The following SH3D19 variants were observed in gnomAD, a reference collection of about 807,000 sequenced individuals.
SH3D19 encodes the protein SH3 domain containing 19.
In SH3D19, 58 loss-of-function variants were observed where a neutral mutation model predicts 112.1. The observed-to-expected ratio is 0.52, with a 90% CI of 0.42 to 0.64. The LOEUF is 0.64. Among genes scored for constraint, SH3D19 ranks in the 30% least tolerant of loss-of-function variants. SH3D19 has a pLI of 0.00. For missense variants in SH3D19, 1,090 were observed against 1,263.4 expected (o/e 0.86, Z 2.08); for synonymous variants, 391 against 448.5 (o/e 0.87, Z 1.62).
chr4:151,215,677 A>C (rs905184554), intron 2 of SH3D19, among the ~76,000 whole-genome samples: 2 of 152,334 alleles, frequency 1.3e-5, no homozygotes, highest in Middle Eastern at 3.4e-3. Flanking sequence ...CTACAACTAA[A>C]ATGAGATTAG....
At chr4:151,271,646 C>T (rs1176532741) in intron 1 of SH3D19, among the ~76,000 whole-genome samples, 4 of 152,122 alleles carry the variant, frequency 2.6e-5, no homozygotes, top group African/African-American at 9.7e-5. Context: ...TTGAGAAGCC[C>T]TGGTCAATAG....
chr4:151,272,891 T>A (rs184373178), intron 1 of SH3D19, among the ~76,000 whole-genome samples: 1 of 152,232 alleles, frequency 6.6e-6, no homozygotes, highest in Non-Finnish European at 1.5e-5. Context: ...AGCTCTCTTA[T>A]CAACTTTTCA....
chr4:151,299,782 A>G (rs1281314969), intron 1 of SH3D19, among the ~76,000 whole-genome samples: 1 of 152,178 alleles, frequency 6.6e-6, no homozygotes, highest in Non-Finnish European at 1.5e-5. Flanking sequence ...CTTTTTATCC[A>G]GAGGCTGCTG....
At chr4:151,163,026 G>A (rs1757420345) in intron 8 of SH3D19, among the ~76,000 whole-genome samples, 2 of 152,128 alleles carry the variant, frequency 1.3e-5, no homozygotes, top group African/African-American at 2.4e-5. Context: ...AAATTTCTAG[G>A]AGTGCCTACC....
At chr4:151,288,515 G>A (rs1332901625) in intron 1 of SH3D19, among the ~76,000 whole-genome samples, 1 of 152,146 alleles carries the variant, frequency 6.6e-6, no homozygotes, top group African/African-American at 2.4e-5. Flanking sequence ...GGGAGGCCAA[G>A]GCAGGTGGAT....
chr4:151,244,825 T>C (rs1026414747), intron 1 of SH3D19, among the ~76,000 whole-genome samples: 5 of 152,260 alleles, frequency 3.3e-5, no homozygotes, highest in South Asian at 2.1e-4. Flanking sequence ...GGTAAACAGA[T>C]TTCTCTGTTG....
At chr4:151,125,405 A>T (rs1748985473) in intron 19 of SH3D19, among the ~76,000 whole-genome samples, 1 of 151,118 alleles carries the variant, frequency 6.6e-6, no homozygotes, top group Non-Finnish European at 1.5e-5. Context: ...CTGAGGCTGC[A>T]CAGTGAACTG....
At chr4:151,144,819 G>C (rs1359216696) in intron 11 of SH3D19, among the ~76,000 whole-genome samples, 1 of 152,178 alleles carries the variant, frequency 6.6e-6, no homozygotes, top group Non-Finnish European at 1.5e-5. Context: ...AGCTCTGTCT[G>C]ATCTTAGAAT....
At chr4:151,141,328 G>A (rs979853592) in intron 12 of SH3D19, among the ~76,000 whole-genome samples, 1 of 152,134 alleles carries the variant, frequency 6.6e-6, no homozygotes, top group African/African-American at 2.4e-5. Flanking sequence ...GTCTCGCCAC[G>A]TTGCCCAGGC....
At chr4:151,158,373 C>T (rs1275649615) in intron 9 of SH3D19, among the ~76,000 whole-genome samples, 3 of 152,086 alleles carry the variant, frequency 2.0e-5, no homozygotes, top group Non-Finnish European at 2.9e-5. Flanking sequence ...GATCTTGGCT[C>T]ACTGCAACCT....
intron 8 of SH3D19, among the ~76,000 whole-genome samples, chr4:151,160,309 G>T (rs1045584290): frequency 6.6e-6 from 1 of 151,982 alleles, no homozygotes; most frequent in Non-Finnish European, 1.5e-5. Context: ...GGATGGTCTC[G>T]ATCTCCTGAC....
At chr4:151,311,675 C>CA (rs1329881725) in intron 1 of SH3D19, among the ~76,000 whole-genome samples, 2 of 152,042 alleles carry the variant, frequency 1.3e-5, no homozygotes, top group Non-Finnish European at 2.9e-5. Context: ...CCTATCTCTA[C>CA]AAAAAATTTT....
chr4:151,272,655 CATTCTGG>C (rs1319114349), intron 1 of SH3D19, among the ~76,000 whole-genome samples: 2 of 152,170 alleles, frequency 1.3e-5, no homozygotes, highest in Non-Finnish European at 2.9e-5. Flanking sequence ...AAATGTCCTA[CATTCTGG>C]ATTTGTCTAT....
intron 2 of SH3D19, among the ~76,000 whole-genome samples, chr4:151,190,585 G>C (rs940018488): frequency 5.3e-5 from 8 of 152,368 alleles, no homozygotes; most frequent in African/African-American, 1.9e-4. Context: ...CGTGGCTTCA[G>C]AGGGTGCAAG....
At chr4:151,191,197 G>C (rs977743818) in intron 2 of SH3D19, among the ~76,000 whole-genome samples, 1 of 152,148 alleles carries the variant, frequency 6.6e-6, no homozygotes, top group African/African-American at 2.4e-5. Context: ...ATTGTATCTA[G>C]GAAGTAACTA....
intron 11 of SH3D19, among the ~76,000 whole-genome samples, chr4:151,147,212 A>G (rs1261718742): frequency 6.6e-6 from 1 of 152,228 alleles, no homozygotes; most frequent in Non-Finnish European, 1.5e-5. Context: ...GCAGCAGTGC[A>G]CTATGATTGC....
At chr4:151,161,525 G>A (rs1439375521) in intron 8 of SH3D19, among the ~76,000 whole-genome samples, 1 of 151,692 alleles carries the variant, frequency 6.6e-6, no homozygotes, top group Non-Finnish European at 1.5e-5. Context: ...TCTTTGAAGA[G>A]GAGCTTAATG....
chr4:151,159,197 T>C (rs1756706853), intron 9 of SH3D19, 43 bp downstream of exon 9: 2 of 1,108,950 alleles, frequency 1.8e-6, no homozygotes, highest in Admixed American at 2.8e-5. Flanking sequence ...AATTAATGCA[T>C]AGCTACGTCT....
At chr4:151,320,155 CACAACAG>C (rs1401108984) in intron 1 of SH3D19, among the ~76,000 whole-genome samples, 4 of 152,168 alleles carry the variant, frequency 2.6e-5, no homozygotes, top group Non-Finnish European at 5.9e-5. Context: ...TTACTCAAAG[CACAACAG>C]ACAACAGTTA....
Sources: allele counts gnomAD v4.1 joint callset (sites outside exome capture counted in the v4.1 genomes callset), GRCh38; gene constraint gnomAD v4.1.1; transcripts MANE v1.5; gene names NCBI Gene and HGNC (gene_info 2026-07-23, HGNC 2026-07-21).